CNTNAP5: variants seen among roughly 807,000 people sequenced by gnomAD.
CNTNAP5 encodes contactin associated protein family member 5, also known as contactin-associated protein-like 5.
A neutral mutation model predicts 150.2 loss-of-function variants in CNTNAP5; 72 were observed. That is an observed-to-expected ratio of 0.48 (90% CI 0.40 to 0.58). CNTNAP5 has a LOEUF of 0.58. Among genes scored for constraint, CNTNAP5 ranks in the 20% least tolerant of loss-of-function variants. The pLI is 0.00. For missense variants in CNTNAP5, 1,636 were observed against 1,626.2 expected (o/e 1.01, Z -0.10); for synonymous variants, 672 against 619.8 (o/e 1.08, Z -1.25).
At chr2:124,642,166 G>T (rs1190080607) in intron 12 of CNTNAP5, among the ~76,000 whole-genome samples, 1 of 152,112 alleles carries the variant, frequency 6.6e-6, no homozygotes, top group East Asian at 1.9e-4. Context: ...GCTTTTCTGG[G>T]GTAATGACCA....
chr2:124,901,655 A>G (rs1678416260), intron 21 of CNTNAP5, among the ~76,000 whole-genome samples: 1 of 152,194 alleles, frequency 6.6e-6, no homozygotes, highest in African/African-American at 2.4e-5. Flanking sequence ...ACTGCAAGAT[A>G]GCACACTTGT....
chr2:124,854,832 G>T (rs1677318315), intron 19 of CNTNAP5, among the ~76,000 whole-genome samples: 1 of 152,164 alleles, frequency 6.6e-6, no homozygotes. Context: ...GACCAGAGTG[G>T]CAATATGGTG....
At chr2:124,794,683 G>A (rs1681807630) in intron 18 of CNTNAP5, among the ~76,000 whole-genome samples, 1 of 151,858 alleles carries the variant, frequency 6.6e-6, no homozygotes, top group Non-Finnish European at 1.5e-5. Context: ...TATGCTGTAG[G>A]ACAGGGAAGA....
intron 21 of CNTNAP5, among the ~76,000 whole-genome samples, chr2:124,898,268 A>G (rs1472706468): frequency 6.6e-6 from 1 of 151,512 alleles, no homozygotes; most frequent in East Asian, 1.9e-4. Flanking sequence ...TTCAAGTGTC[A>G]TAAGTAACTT....
At chr2:124,673,624 A>G (rs1475910969) in intron 13 of CNTNAP5, among the ~76,000 whole-genome samples, 5 of 152,066 alleles carry the variant, frequency 3.3e-5, no homozygotes, top group Non-Finnish European at 7.4e-5. Flanking sequence ...CTTTTATTAA[A>G]TAACTACTCT....
chr2:124,243,137 C>A (rs1229684416), intron 3 of CNTNAP5, among the ~76,000 whole-genome samples: 1 of 152,112 alleles, frequency 6.6e-6, no homozygotes, highest in Non-Finnish European at 1.5e-5. Context: ...GCAAAAGTCA[C>A]CTGGAGGTAG....
At chr2:124,723,372 G>T (rs1680088574) in intron 13 of CNTNAP5, among the ~76,000 whole-genome samples, 1 of 152,096 alleles carries the variant, frequency 6.6e-6, no homozygotes, top group African/African-American at 2.4e-5. Flanking sequence ...CTCTGTCTGA[G>T]ACCTCAAAAA....
intron 3 of CNTNAP5, among the ~76,000 whole-genome samples, chr2:124,267,401 A>C (rs894909806): frequency 1.1e-4 from 16 of 152,208 alleles, no homozygotes; most frequent in African/African-American, 3.9e-4. Context: ...CAAGAAATCC[A>C]GTAAATATTC....
At chr2:124,192,859 A>G (rs1685492844) in intron 1 of CNTNAP5, among the ~76,000 whole-genome samples, 1 of 152,178 alleles carries the variant, frequency 6.6e-6, no homozygotes, top group Non-Finnish European at 1.5e-5. Flanking sequence ...TTTATCATTT[A>G]CAATAGGACT....
intron 8 of CNTNAP5, among the ~76,000 whole-genome samples, chr2:124,523,974 T>TC (rs1694907477): frequency 6.6e-6 from 1 of 150,426 alleles, no homozygotes; most frequent in Admixed American, 6.7e-5. Flanking sequence ...TTTTTTTTTT[T>TC]CCTCTGCGTT....
At chr2:124,036,303 C>T (rs1298766050) in intron 1 of CNTNAP5, among the ~76,000 whole-genome samples, 2 of 151,980 alleles carry the variant, frequency 1.3e-5, no homozygotes, top group African/African-American at 4.8e-5. Context: ...TATTAATTCA[C>T]AAGGGAAAAG....
chr2:124,872,413 T>C lies in CNTNAP5; in HGVS notation c.3436+2651T>C, dbSNP rs943534045. Among the ~76,000 whole-genome samples the C allele has an allele frequency of 2.2e-3, 315 of 140,032 alleles. 1 individual carries two copies. The highest frequency in any genetic ancestry group is 7.8e-3 in the African/African-American group (277 of 35,630). The allele number at this position is 140,032 out of a possible 152,430, so 91.9% of individuals were successfully genotyped here. On this transcript the variant is annotated intron_variant, in intron 21 of 23. Transcript: ENST00000682447. ...GTGTGTGTGTGTGTGTGTGTGTGTGTGTGCGTGCATGTGCGTTTGTTCATA... is the reference window on the plus strand; with the variant it reads ...GTGTGTGTGTGTGTGTGTGTGTGTGCGTGCGTGCATGTGCGTTTGTTCATA...
intron 13 of CNTNAP5, among the ~76,000 whole-genome samples, chr2:124,738,755 A>T (rs972054870): frequency 6.6e-6 from 1 of 151,742 alleles, no homozygotes; most frequent in Non-Finnish European, 1.5e-5. Flanking sequence ...AGAAAGAAAG[A>T]AAAAAGAAAG....
At chr2:124,520,193 A>G (rs925197771) in intron 8 of CNTNAP5, among the ~76,000 whole-genome samples, 1 of 152,170 alleles carries the variant, frequency 6.6e-6, no homozygotes, top group African/African-American at 2.4e-5. Flanking sequence ...CTTGGACATT[A>G]TGATGTTTAA....
intron 19 of CNTNAP5, among the ~76,000 whole-genome samples, chr2:124,831,394 A>T (rs1212473633): frequency 1.3e-5 from 2 of 151,850 alleles, no homozygotes; most frequent in Non-Finnish European, 2.9e-5. Flanking sequence ...CATTCTTCAT[A>T]TCTTTCTTTC....
At chr2:124,634,251 T>C (rs1214906911) in intron 12 of CNTNAP5, among the ~76,000 whole-genome samples, 1 of 152,218 alleles carries the variant, frequency 6.6e-6, no homozygotes, top group Non-Finnish European at 1.5e-5. Context: ...AGGTCATTTC[T>C]TTGCTCATGA....
At chr2:124,576,755 C>A (rs898798962) in intron 11 of CNTNAP5, among the ~76,000 whole-genome samples, 1 of 152,138 alleles carries the variant, frequency 6.6e-6, no homozygotes, top group Non-Finnish European at 1.5e-5. Context: ...AACGTTAGTT[C>A]TCTCATCTCT....
chr2:124,086,188 C>CTTT (rs57849633), intron 1 of CNTNAP5, among the ~76,000 whole-genome samples: 6 of 82,010 alleles, frequency 7.3e-5, no homozygotes, highest in African/African-American at 1.5e-4. Context: ...GGTGTACACA[C>CTTT]TTTTTTTTTT....
chr2:124,674,509 C>CTTTT (rs1553430171), intron 13 of CNTNAP5, among the ~76,000 whole-genome samples: 1 of 115,366 alleles, frequency 8.7e-6, no homozygotes, highest in Non-Finnish European at 1.8e-5. Context: ...TTCTTTCTTT[C>CTTTT]TCTTTCTTTC....
Sources: allele counts gnomAD v4.1 joint callset (sites outside exome capture counted in the v4.1 genomes callset), GRCh38; gene constraint gnomAD v4.1.1; transcripts MANE v1.5; gene names NCBI Gene and HGNC (gene_info 2026-07-23, HGNC 2026-07-21).